The following ADAMTSL3 variants were observed in gnomAD, a reference collection of about 807,000 sequenced individuals.
ADAMTSL3 encodes the protein ADAMTS-like protein 3.
ADAMTSL3 carries 128 observed loss-of-function variants against 201.7 expected under a neutral mutation model. The observed-to-expected ratio is 0.63, with a 90% CI of 0.55 to 0.73. The LOEUF (loss-of-function observed/expected upper bound fraction) is 0.73, where lower values mean the gene tolerates loss of function less well. Among genes scored for constraint, ADAMTSL3 ranks in the 30% least tolerant of loss-of-function variants. ADAMTSL3 has a pLI of 0.00. For missense variants in ADAMTSL3, 1,990 were observed against 2,119.6 expected (o/e 0.94, Z 1.20); for synonymous variants, 738 against 748.4 (o/e 0.99, Z 0.23).
At chr15:83,789,109 C>T (rs1388266669) in intron 4 of ADAMTSL3, among the ~76,000 whole-genome samples, 1 of 152,198 alleles carries the variant, frequency 6.6e-6, no homozygotes, top group Admixed American at 6.5e-5. Context: ...CCACACCCAG[C>T]CGTGTTCCTC....
chr15:84,010,509 A>G (rs1325666519), intron 23 of ADAMTSL3, among the ~76,000 whole-genome samples: 1 of 152,232 alleles, frequency 6.6e-6, no homozygotes, highest in Non-Finnish European at 1.5e-5. Context: ...TTCAGCAAAC[A>G]TTCACACATC....
intron 3 of ADAMTSL3, among the ~76,000 whole-genome samples, chr15:83,716,702 C>G (rs918753712): frequency 1.3e-5 from 2 of 151,718 alleles, no homozygotes; most frequent in African/African-American, 4.8e-5. Flanking sequence ...AGTCTCTTTT[C>G]CAAATACTGT....
At position 83,942,637 on chromosome 15, in the gene ADAMTSL3, G is replaced by C. The variant is rs763409837; in HGVS notation, c.2159G>C (p.Gly720Ala). Reference protein sequence around the residue: ...GSWGPCSATCGVGIQTRDVYC... With the variant: ...GSWGPCSATCAVGIQTRDVYC... ...TGGGGGCCCTGCTCAGCTACCTGTG[G>C]AGTTGGAATTCAGACCCGAGATGTG... The change falls in exon 18 of 30, where the codon GGA becomes GCA. Residue 720 changes from glycine to alanine, a missense_variant. By Grantham distance (60) the Gly-to-Ala change is moderately conservative. Transcript: ENST00000286744. 5 of 1,613,950 alleles carry C rather than the reference G, an allele frequency of 3.1e-6. No individual in the cohort carries two copies. In the South Asian group the frequency reaches 5.5e-5, roughly 18 times the overall value.
At position 84,037,695 on chromosome 15, in the gene ADAMTSL3, TGCAGGA is replaced by T; in HGVS notation, c.4970-3_4972del. The T allele has an allele frequency of 6.3e-7, 1 of 1,589,294 alleles. No individual in the cohort carries two copies. ...ATGTTACAGATATTTGTTTCTTTTT[TGCAGGA>T]GACTGCACAGACACAACTCACTACT... On this transcript the variant is annotated splice_acceptor_variant and splice_polypyrimidine_tract_variant and coding_sequence_variant and intron_variant, in exon 30 of 30. Coordinates refer to ENST00000286744, the MANE Select transcript of ADAMTSL3 (RefSeq NM_207517.3). LOFTEE classifies it high-confidence loss of function.
chr15:83,952,245 C>G (rs2066771099), intron 19 of ADAMTSL3, among the ~76,000 whole-genome samples: 1 of 152,026 alleles, frequency 6.6e-6, no homozygotes, highest in Non-Finnish European at 1.5e-5. Flanking sequence ...TGTTTAAATT[C>G]CGTGTATTTG....
chr15:83,755,845 C>T (rs780574659), intron 3 of ADAMTSL3, among the ~76,000 whole-genome samples: 1 of 152,072 alleles, frequency 6.6e-6, no homozygotes, highest in Non-Finnish European at 1.5e-5. Flanking sequence ...CTTCCACCTT[C>T]CGCCTTCCAG....
intron 2 of ADAMTSL3, among the ~76,000 whole-genome samples, chr15:83,674,654 TACACATATATACATATATAC>T (rs1567063911): frequency 5.0e-5 from 4 of 79,596 alleles, no homozygotes; most frequent in African/African-American, 8.7e-5. Context: ...CATATACATA[TACACATATATACATATATAC>T]ACACATATAT....
intron 8 of ADAMTSL3, among the ~76,000 whole-genome samples, chr15:83,859,919 T>G (rs997849221): frequency 1.2e-4 from 18 of 152,144 alleles, no homozygotes; most frequent in African/African-American, 4.3e-4. Flanking sequence ...TGCCAGCTCT[T>G]TGAGAGGCTG....
chr15:83,711,219 A>G (rs1322580429), intron 3 of ADAMTSL3, among the ~76,000 whole-genome samples: 3 of 152,186 alleles, frequency 2.0e-5, no homozygotes, highest in Non-Finnish European at 4.4e-5. Context: ...CGAACTTTTC[A>G]TGAATATCTT....
intron 3 of ADAMTSL3, among the ~76,000 whole-genome samples, chr15:83,771,727 A>G (rs986592726): frequency 6.6e-6 from 1 of 152,254 alleles, no homozygotes; most frequent in Admixed American, 6.5e-5. Context: ...GGCTATTGCA[A>G]ACAATGAGTG....
At chr15:83,849,409 A>C (rs1034403062) in intron 7 of ADAMTSL3, among the ~76,000 whole-genome samples, 4 of 152,194 alleles carry the variant, frequency 2.6e-5, no homozygotes, top group African/African-American at 9.7e-5. Context: ...TACAGGCATG[A>C]GCCACCACGC....
At position 83,913,144 on chromosome 15, in the gene ADAMTSL3, C is replaced by G. The variant is rs202011681; in HGVS notation, c.1753C>G (p.Gln585Glu). ...CAGTACCACGTGTGGGCCGGGTGTG[C>G]AGGTCCGTGAGGTGAAGTGCCGTGT... ...ACSTTCGPGV[Q>E]VREVKCRVLL... is the part of the protein sequence containing the mutation. The change falls in exon 16 of 30, where the codon CAG becomes GAG. Residue 585 changes from glutamine to glutamate, a missense_variant. Gln to Glu is a conservative substitution (Grantham distance 29). Transcript: ENST00000286744. 3.2e-5 allele frequency: 51 copies of G among 1,614,128 alleles called. No individual in the cohort carries two copies. The Admixed American group carries it at 5.0e-4, about 16-fold the overall frequency.
chr15:84,008,020 A>T (rs1215703663), intron 23 of ADAMTSL3, among the ~76,000 whole-genome samples: 1 of 152,136 alleles, frequency 6.6e-6, no homozygotes, highest in Non-Finnish European at 1.5e-5. Flanking sequence ...ACTCCAACCA[A>T]ACATTCTCCA....
intron 2 of ADAMTSL3, among the ~76,000 whole-genome samples, chr15:83,667,220 T>C (rs1241033646): frequency 6.6e-6 from 1 of 152,160 alleles, no homozygotes; most frequent in Non-Finnish European, 1.5e-5. Context: ...GGTTAATCTT[T>C]CCGTCTTTTC....
chr15:83,871,108 C>A, intron 9 of ADAMTSL3, 149 bp downstream of exon 9: 1 of 957,586 alleles, frequency 1.0e-6, no homozygotes, highest in Non-Finnish European at 1.5e-6. Flanking sequence ...GCAGTCCATT[C>A]TTAAAAATTG....
intron 3 of ADAMTSL3, among the ~76,000 whole-genome samples, chr15:83,722,675 A>G (rs1012253606): frequency 2.0e-5 from 3 of 152,174 alleles, no homozygotes; most frequent in Non-Finnish European, 4.4e-5. Context: ...ATTACACATT[A>G]TGTAGAAGAT....
chr15:83,809,398 C>T (rs903896893), intron 5 of ADAMTSL3, among the ~76,000 whole-genome samples: 2 of 152,176 alleles, frequency 1.3e-5, no homozygotes, highest in African/African-American at 4.8e-5. Flanking sequence ...CCCAAGCATC[C>T]TGTTACAAGC....
intron 6 of ADAMTSL3, among the ~76,000 whole-genome samples, chr15:83,828,179 T>C (rs2064068267): frequency 1.3e-5 from 2 of 152,228 alleles, no homozygotes; most frequent in Admixed American, 1.3e-4. Flanking sequence ...TTCTCCCATT[T>C]GTTGTGTCCT....
At chr15:83,747,910 TG>T (rs1318119390) in intron 3 of ADAMTSL3, among the ~76,000 whole-genome samples, 3 of 151,308 alleles carry the variant, frequency 2.0e-5, no homozygotes, top group Non-Finnish European at 2.9e-5. Flanking sequence ...CCATGAGATC[TG>T]GCAGGTCCAG....
Sources: allele counts gnomAD v4.1 joint callset (sites outside exome capture counted in the v4.1 genomes callset), GRCh38; gene constraint gnomAD v4.1.1; transcripts MANE v1.5; gene names NCBI Gene and HGNC (gene_info 2026-07-23, HGNC 2026-07-21).